KCNMA1: variants seen among roughly 807,000 people sequenced by gnomAD.
The protein encoded by KCNMA1 is potassium calcium-activated channel subfamily M alpha 1, also known as Calcium-activated potassium channel subunit alpha-1.
Under a neutral mutation model 140.0 loss-of-function variants are expected in KCNMA1, and 29 were observed. The observed-to-expected ratio is 0.21, with a 90% confidence interval of 0.15 to 0.28. KCNMA1 has a LOEUF of 0.28. Among genes scored for constraint, KCNMA1 ranks in the 10% least tolerant of loss-of-function variants. The pLI is 1.00. For synonymous variants in KCNMA1, 612 were observed against 611.9 expected, an observed-to-expected ratio of 1.00 and a Z score of 0.00; for missense variants, 880 against 1,602.2, an observed-to-expected ratio of 0.55 and a Z score of 7.70.
intron 2 of KCNMA1, among the ~76,000 whole-genome samples, chr10:77,293,698 C>T (rs547575047): frequency 6.6e-6 from 1 of 152,358 alleles, no homozygotes; most frequent in African/African-American, 2.4e-5. Context: ...CCTCTGCTTT[C>T]CAGCTCTTTC....
At chr10:77,096,632 T>C (rs1346683241) in intron 9 of KCNMA1, among the ~76,000 whole-genome samples, 10 of 152,314 alleles carry the variant, frequency 6.6e-5, no homozygotes, top group Admixed American at 2.0e-4. Context: ...CCATTTTTAC[T>C]GGAACGAGTA....
At chr10:77,174,661 G>C (rs2098737485) in intron 5 of KCNMA1, among the ~76,000 whole-genome samples, 1 of 152,222 alleles carries the variant, frequency 6.6e-6, no homozygotes, top group Non-Finnish European at 1.5e-5. Context: ...TAAGTGGATT[G>C]GTAAGCCTGG....
Position 77,637,650 on chromosome 10 carries a change from A to C in KCNMA1, c.-8T>G, listed in dbSNP as rs1173303583. 1.3e-6 allele frequency: 2 copies of C among 1,503,622 alleles called. No individual in the cohort carries two copies. Among genetic ancestry groups the C allele is most frequent in the African/African-American group, 2.8e-5 (2 of 70,520 alleles). 93.1% of individuals were successfully genotyped at this position (1,503,622 alleles called of 1,614,324 possible). On this transcript the variant is annotated 5_prime_UTR_variant, in exon 1 of 28. Coordinates refer to ENST00000286628, the MANE Select transcript of KCNMA1 (RefSeq NM_001161352.2). ...GCCGCCACCATTTGCCATAGCTAGC[A>C]ACGGGCAGCCGGCGCAGGGGCTCGG...
In KCNMA1 at chr10:77,343,743, G is replaced by A. The variant is rs2091535615; in HGVS notation, c.540+60119C>T. On this transcript the variant is annotated intron_variant, in intron 2 of 27. Coordinates refer to ENST00000286628, the MANE Select transcript of KCNMA1 (RefSeq NM_001161352.2). ...GTCATAGTGTCCGTGGCAGGAAAAG[G>A]TAAGTAAGTTATTTTAGAGAGGAGG... Among the ~76,000 whole-genome samples, 5 of 152,328 alleles carry A rather than the reference G, an allele frequency of 3.3e-5. No individual in the cohort carries two copies. In the South Asian group the frequency reaches 1.0e-3, roughly 32 times the overall value.
intron 5 of KCNMA1, among the ~76,000 whole-genome samples, chr10:77,143,668 A>G (rs2098229468): frequency 6.6e-6 from 1 of 152,192 alleles, no homozygotes; most frequent in Admixed American, 6.5e-5. Flanking sequence ...TGTCTTGAGG[A>G]CACTCGGATA....
rs769833249 is a variant in KCNMA1 at position 77,295,508 on chromosome 10, G to A, written c.541-44252C>T. Reference sequence around the variant, plus strand: ...TTAATAAACAGTTTTCAGGCCGGGCGCGGTGGCTCACGCCTGTAATCCCAG... The same window carrying A: ...TTAATAAACAGTTTTCAGGCCGGGCACGGTGGCTCACGCCTGTAATCCCAG... On this transcript the variant is annotated intron_variant, in intron 2 of 27. Coordinates refer to ENST00000286628, the MANE Select transcript of KCNMA1 (RefSeq NM_001161352.2). Among the ~76,000 whole-genome samples the A allele has an allele frequency of 7.2e-5, 11 of 152,154 alleles. No homozygotes were observed. The South Asian group carries it at 1.0e-3, about 14-fold the overall frequency.
intron 1 of KCNMA1, among the ~76,000 whole-genome samples, chr10:77,535,037 TAAGGGTCGTGGAGATTCACC>T (rs1231051567): frequency 5.9e-5 from 9 of 152,218 alleles, no homozygotes; most frequent in African/African-American, 9.7e-5. Context: ...AGGGATGCTA[TAAGGGTCGTGGAGATTCACC>T]AAGTGCCAAT....
chr10:77,151,204 CTCTCTT>C (rs774989418), intron 5 of KCNMA1, among the ~76,000 whole-genome samples: 2,124 of 42,194 alleles, frequency 0.05, 58 homozygotes, highest in African/African-American at 0.16. Context: ...GTCTCTCTCT[CTCTCTT>C]TCTTTCTTTC....
At chr10:76,893,081 G>A (rs1458639359) in intron 25 of KCNMA1, among the ~76,000 whole-genome samples, 1 of 152,148 alleles carries the variant, frequency 6.6e-6, no homozygotes, top group Non-Finnish European at 1.5e-5. Flanking sequence ...GGGATCCAGG[G>A]ATCCAGAGCT....
At chr10:77,602,616 C>T (rs1028353615) in intron 1 of KCNMA1, among the ~76,000 whole-genome samples, 6 of 152,108 alleles carry the variant, frequency 3.9e-5, no homozygotes, top group Non-Finnish European at 8.8e-5. Flanking sequence ...AGGTAGCACA[C>T]TAGGAGGTGC....
At chr10:76,912,862 C>G (rs978489091) in intron 24 of KCNMA1, 2 of 152,188 alleles carry the variant, frequency 1.3e-5, no homozygotes, top group African/African-American at 4.8e-5. Context: ...TCTTATTGCC[C>G]TCCAGTTCTG....
rs577773354 is a variant in KCNMA1, at chr10:77,346,059, A to G, written c.540+57803T>C. On this transcript the variant is annotated intron_variant, in intron 2 of 27. Transcript: ENST00000286628. Reference sequence around the variant, plus strand: ...GGACCCTGCATCATGGAAAATAGGAATATCATGGTAAACGTTGCTTTAATT... The same window carrying G: ...GGACCCTGCATCATGGAAAATAGGAGTATCATGGTAAACGTTGCTTTAATT... 2.6e-5 allele frequency among the ~76,000 whole-genome samples: 4 copies of G among 152,334 alleles called. No individual in the cohort carries two copies. In the South Asian group the frequency reaches 8.3e-4, roughly 32 times the overall value.
intron 23 of KCNMA1, among the ~76,000 whole-genome samples, chr10:76,918,121 T>G (rs1330614039): frequency 6.6e-6 from 1 of 152,218 alleles, no homozygotes; most frequent in Non-Finnish European, 1.5e-5. Context: ...GAAGTCTCTC[T>G]ACATTAAACA....
At position 77,637,527 on chromosome 10, in the gene KCNMA1, G is replaced by A. The variant is rs1282366675; in HGVS notation, c.116C>T (p.Ser39Phe). ...IHANHLSLDA[S>F]SSSSSSSSSS... The stretch of plus-strand genomic sequence containing the variant: ...GGAAGAGGAGGAGGAGGAGGAGGAG[G>A]ACGCGTCTAGGCTGAGATGGTTCGC... The change falls in exon 1 of 28, where the codon TCC (serine) becomes TTC (phenylalanine). Residue 39 changes from serine (S) to phenylalanine (F), a missense_variant. Ser to Phe is a radical substitution (Grantham distance 155). This residue lies in a region of KCNMA1 where 94 missense variants were observed against 92.4 expected (regional missense o/e 1.02). Coordinates refer to ENST00000286628, the MANE Select transcript of KCNMA1 (RefSeq NM_001161352.2). 1.9e-6 allele frequency: 3 copies of A among 1,552,280 alleles called. No individual in the cohort carries two copies. Among genetic ancestry groups the A allele is most frequent in the South Asian group, 1.2e-5 (1 of 85,702 alleles).
At chr10:77,633,476 C>T (rs1314401947) in intron 1 of KCNMA1, among the ~76,000 whole-genome samples, 4 of 152,110 alleles carry the variant, frequency 2.6e-5, no homozygotes, top group African/African-American at 9.7e-5. Flanking sequence ...ATCTCAAGGT[C>T]ATCTGGTGCA....
chr10:77,270,123 T>C (rs189488139), intron 2 of KCNMA1, among the ~76,000 whole-genome samples: 1 of 152,186 alleles, frequency 6.6e-6, no homozygotes, highest in African/African-American at 2.4e-5. Flanking sequence ...TTGTGCTGGG[T>C]GGATAGCTGC....
intron 1 of KCNMA1, among the ~76,000 whole-genome samples, chr10:77,528,821 TA>T (rs1384027206): frequency 1.3e-5 from 2 of 152,110 alleles, no homozygotes; most frequent in Non-Finnish European, 2.9e-5. Context: ...AACATTATGC[TA>T]AGTGGAAGAA....
rs2053018012 is a variant in KCNMA1, at chr10:77,229,948, T to A, written c.602+21247A>T. ...GACCCTGCAATTCCACTCCTATGCA[T>A]ATAAGAATTGAAAACAGGAATTCAA... On this transcript the variant is annotated intron_variant, in intron 3 of 27. Transcript: ENST00000286628. 2.0e-5 allele frequency among the ~76,000 whole-genome samples: 3 copies of A among 152,172 alleles called. No individual in the cohort carries two copies. The South Asian group carries it at 6.2e-4, about 32-fold the overall frequency.
intron 15 of KCNMA1, 129 bp downstream of exon 15, chr10:77,039,399 G>A (rs1011236514): frequency 2.2e-5 from 16 of 715,928 alleles, no homozygotes; most frequent in African/African-American, 7.0e-5. Flanking sequence ...ACATGGGGCC[G>A]AGCACACGGG....
Sources: allele counts gnomAD v4.1 joint callset (sites outside exome capture counted in the v4.1 genomes callset), GRCh38; gene constraint gnomAD v4.1.1; regional missense constraint gnomAD v4.1.1; transcripts MANE v1.5; gene names NCBI Gene and HGNC (gene_info 2026-07-23, HGNC 2026-07-21).